Variants in VIPAS39 observed in about 807,000 individuals in gnomAD.
VIPAS39 encodes VPS33B interacting protein, apical-basolateral polarity regulator, spe-39 homolog.
In VIPAS39, 63 loss-of-function variants were observed where a neutral mutation model predicts 84.7. The ratio of observed to expected loss-of-function variants is 0.74; its 90% CI spans 0.61 to 0.92. VIPAS39 has a LOEUF of 0.92. VIPAS39 is among the 40% of genes least tolerant of loss of function. VIPAS39 has a pLI of 0.00. For synonymous variants in VIPAS39, 192 were observed against 216.5 expected, an observed-to-expected ratio of 0.89 and a Z score of 0.99; for missense variants, 499 against 604.5, an observed-to-expected ratio of 0.83 and a Z score of 1.83.
Position 77,427,568 on chromosome 14 carries a change from A to C in VIPAS39, c.*48T>G. The C allele has an allele frequency of 1.2e-6, 2 of 1,613,042 alleles. No homozygotes were observed. Among genetic ancestry groups the C allele is most frequent in the Non-Finnish European group, 1.7e-6 (2 of 1,179,014 alleles). ...AAAGAAGAGCTCTCTCTGCTTTCAC[A>C]GGCAGGAGAGGAGGAAATGAGGCAG... is the stretch of plus-strand genomic sequence containing the variant. On this transcript the variant is annotated 3_prime_UTR_variant, in exon 20 of 20. Coordinates refer to ENST00000557658, the MANE Select transcript of VIPAS39 (RefSeq NM_001193315.2).
rs1446956256 is a variant in VIPAS39 at position 77,427,594 on chromosome 14, G to C, written c.*22C>G. On this transcript the variant is annotated 3_prime_UTR_variant, in exon 20 of 20. Coordinates refer to ENST00000557658, the MANE Select transcript of VIPAS39 (RefSeq NM_001193315.2). ...GGCAGGAGAGGAGGAAATGAGGCAGGCTTCAAGGTAGTCAATGCCACTTAA... is the reference window on the plus strand; with the variant it reads ...GGCAGGAGAGGAGGAAATGAGGCAGCCTTCAAGGTAGTCAATGCCACTTAA... The C allele has an allele frequency of 6.2e-7, 1 of 1,614,122 alleles. No homozygotes were observed. Among genetic ancestry groups the C allele is most frequent in the East Asian group, 2.2e-5 (1 of 44,872 alleles).
At chr14:77,435,626 C>T (rs1370844828) in intron 13 of VIPAS39, among the ~76,000 whole-genome samples, 5 of 151,952 alleles carry the variant, frequency 3.3e-5, no homozygotes, top group Admixed American at 6.6e-5. Context: ...ATGGGAGATT[C>T]GGGATGAAGA....
intron 8 of VIPAS39, 59 bp from the exon 9 acceptor site, chr14:77,443,211 C>T: frequency 6.3e-7 from 1 of 1,597,300 alleles, no homozygotes; most frequent in Middle Eastern, 1.7e-4. Context: ...ATGCCCTGAG[C>T]ACTACAGACA....
intron 16 of VIPAS39, among the ~76,000 whole-genome samples, chr14:77,430,445 G>C (rs535233807): frequency 6.6e-6 from 1 of 152,102 alleles, no homozygotes; most frequent in Non-Finnish European, 1.5e-5. Context: ...GGCCAGGTGC[G>C]GTGGCTCATG....
chr14:77,433,801 T>C, intron 16 of VIPAS39, 41 bp downstream of exon 16: 1 of 1,595,532 alleles, frequency 6.3e-7, no homozygotes, highest in Non-Finnish European at 8.6e-7. Context: ...AGAACCCTTC[T>C]GTCTCCCAAG....
chr14:77,429,848 AC>A, intron 16 of VIPAS39, 81 bp from the exon 17 acceptor site: 1 of 1,277,466 alleles, frequency 7.8e-7, no homozygotes, highest in Non-Finnish European at 1.1e-6. Flanking sequence ...TTACGATCAG[AC>A]CAGAATAATG....
intron 18 of VIPAS39, 64 bp from the exon 19 acceptor site, chr14:77,428,538 G>C: frequency 1.3e-6 from 2 of 1,482,154 alleles, no homozygotes; most frequent in South Asian, 2.3e-5. Context: ...TTTTTGCCCA[G>C]GATGGTCTCA....
At position 77,457,377 on chromosome 14, in the gene VIPAS39, G is replaced by A. The variant is rs2078976470; in HGVS notation, c.-1+118C>T. 4 of 1,535,562 alleles carry A rather than the reference G, an allele frequency of 2.6e-6. No individual in the cohort carries two copies. In the African/African-American group the frequency reaches 4.1e-5, roughly 16 times the overall value. On this transcript the variant is annotated intron_variant, in intron 1 of 19. Coordinates refer to ENST00000557658, the MANE Select transcript of VIPAS39 (RefSeq NM_001193315.2). ...AAGGGTCGCCCTGACTGAAAGAAGA[G>A]AATCAGGCCTGTAGTCATAGGGTGT...
intron 16 of VIPAS39, among the ~76,000 whole-genome samples, chr14:77,432,913 A>C (rs2078546063): frequency 1.3e-5 from 2 of 152,208 alleles, no homozygotes; most frequent in African/African-American, 2.4e-5. Context: ...AAAATGGCTA[A>C]CTGTGAGATG....
intron 3 of VIPAS39, among the ~76,000 whole-genome samples, chr14:77,452,636 C>T (rs982908188): frequency 6.6e-6 from 1 of 151,808 alleles, no homozygotes; most frequent in Non-Finnish European, 1.5e-5. Flanking sequence ...AAAAATTAGC[C>T]AGGCATGGTG....
chr14:77,435,246 AT>A lies in VIPAS39; in HGVS notation c.1047+12del. 1 of 1,614,086 alleles carries A rather than the reference AT, an allele frequency of 6.2e-7. No homozygotes were observed. The highest frequency in any genetic ancestry group is 8.5e-7 in the Non-Finnish European group (1 of 1,179,990). On this transcript the variant is annotated intron_variant, in intron 14 of 19. Coordinates refer to ENST00000557658, the MANE Select transcript of VIPAS39 (RefSeq NM_001193315.2). The stretch of plus-strand genomic sequence containing the variant: ...AATGAGAGTTTGTGGAATCTTCCAT[AT>A]TTTGCCTGTACCTCAGCCTCTGTGT...
chr14:77,436,971 T>C (rs1381629768), intron 12 of VIPAS39, among the ~76,000 whole-genome samples: 1 of 152,258 alleles, frequency 6.6e-6, no homozygotes, highest in African/African-American at 2.4e-5. Flanking sequence ...TTAGAAGAGA[T>C]AAAGAGAGAT....
intron 9 of VIPAS39, 118 bp from the exon 10 acceptor site, chr14:77,442,780 GA>G (rs2078723170): frequency 5.1e-6 from 5 of 970,976 alleles, no homozygotes; most frequent in Non-Finnish European, 8.2e-6. Context: ...CAAAAGCTAA[GA>G]ATGGTTTACC....
At chr14:77,451,066 TC>T in intron 4 of VIPAS39, 120 bp downstream of exon 4, 1 of 1,464,202 alleles carries the variant, frequency 6.8e-7, no homozygotes, top group East Asian at 2.3e-5. Flanking sequence ...AGCTGCCACC[TC>T]CAATGAGAAT....
intron 7 of VIPAS39, among the ~76,000 whole-genome samples, chr14:77,447,311 C>G (rs2139852426): frequency 6.6e-6 from 1 of 151,458 alleles, no homozygotes; most frequent in East Asian, 1.9e-4. Context: ...AGGCATGAAC[C>G]ACCGTGCCCG....
At chr14:77,434,001 A>T in intron 15 of VIPAS39, 70 bp from the exon 16 acceptor site, 5 of 1,502,684 alleles carry the variant, frequency 3.3e-6, no homozygotes, top group Non-Finnish European at 4.6e-6. Context: ...TAAGAATTTT[A>T]GAAAAGACAG....
chr14:77,448,238 G>A (rs2078827826), intron 7 of VIPAS39, among the ~76,000 whole-genome samples: 1 of 152,172 alleles, frequency 6.6e-6, no homozygotes, highest in Non-Finnish European at 1.5e-5. Flanking sequence ...ACAGGCGTGA[G>A]CCACCACCCC....
rs923355102 is a variant in VIPAS39, at chr14:77,435,485, T to C, written c.913-92A>G. ...ATCTTTTAATACTACAGCAGTTGTG[T>C]TTCCCACCCTAGGAGAGAAACAAAG... On this transcript the variant is annotated intron_variant, in intron 13 of 19. Transcript: ENST00000557658. The C allele has an allele frequency of 9.1e-6, 14 of 1,531,120 alleles. No homozygotes were observed. In the African/African-American group the frequency reaches 2.0e-4, roughly 21 times the overall value. The allele number at this position is 1,531,120 out of a possible 1,614,324, so 94.8% of individuals were successfully genotyped here. A position where few individuals can be genotyped will look rare whatever the true frequency, so the allele number is the denominator to read the frequency against.
intron 16 of VIPAS39, among the ~76,000 whole-genome samples, chr14:77,430,019 G>C (rs1005642550): frequency 2.0e-5 from 3 of 152,138 alleles, no homozygotes; most frequent in Admixed American, 6.5e-5. Flanking sequence ...ACTACTAAAT[G>C]GGATAAGTAA....
Sources: gnomAD v4.1 joint callset for allele counts (sites outside exome capture counted in the v4.1 genomes callset) on GRCh38, gnomAD v4.1.1 for gene constraint, MANE v1.5 for transcripts, NCBI Gene and HGNC (gene_info 2026-07-23, HGNC 2026-07-21) for gene names.